The following DMRT1 variants were observed in gnomAD, a reference collection of about 807,000 sequenced individuals.
DMRT1 encodes the protein doublesex and mab-3 related transcription factor 1, also known as doublesex- and mab-3-related transcription factor 1.
DMRT1 carries 7 observed loss-of-function variants against 32.3 expected under a neutral mutation model. The observed-to-expected ratio is 0.22, with a 90% CI of 0.12 to 0.41. The LOEUF is 0.41. Ranked by LOEUF, DMRT1 falls within the 10% of genes least tolerant of loss-of-function variation. The pLI is 1.00. For missense variants in DMRT1, 625 were observed against 500.5 expected (o/e 1.25, Z -2.37); for synonymous variants, 278 against 206.1 (o/e 1.35, Z -2.99).
intron 4 of DMRT1, among the ~76,000 whole-genome samples, chr9:930,336 G>A (rs546269477): frequency 2.0e-5 from 3 of 151,424 alleles, no homozygotes; most frequent in African/African-American, 7.3e-5. Context: ...TGGCTCAAGT[G>A]ATCCTCCTGC....
intron 2 of DMRT1, among the ~76,000 whole-genome samples, chr9:876,573 C>T (rs544720539): frequency 2.0e-5 from 3 of 151,662 alleles, no homozygotes; most frequent in Admixed American, 6.6e-5. Flanking sequence ...CCCTATCATC[C>T]AGTCTGGAGT....
At chr9:957,033 A>G (rs1300754426) in intron 4 of DMRT1, among the ~76,000 whole-genome samples, 2 of 152,208 alleles carry the variant, frequency 1.3e-5, no homozygotes, top group Admixed American at 6.5e-5. Flanking sequence ...GGCTTGGGGT[A>G]TGAATGATCC....
At chr9:872,031 C>G (rs1816289462) in intron 2 of DMRT1, among the ~76,000 whole-genome samples, 1 of 151,308 alleles carries the variant, frequency 6.6e-6, no homozygotes, top group African/African-American at 2.5e-5. Context: ...CTAAAAATAA[C>G]TTACTGAGGT....
chr9:960,914 G>C (rs1819751139), intron 4 of DMRT1, among the ~76,000 whole-genome samples: 1 of 152,222 alleles, frequency 6.6e-6, no homozygotes, highest in Admixed American at 6.5e-5. Flanking sequence ...GCTAGGAACA[G>C]GGCTCAGTTC....
intron 2 of DMRT1, among the ~76,000 whole-genome samples, 190 bp downstream of exon 2, chr9:847,333 G>A (rs1838951595): frequency 6.6e-6 from 1 of 152,240 alleles, no homozygotes; most frequent in Non-Finnish European, 1.5e-5. Flanking sequence ...TTCTAGAAAT[G>A]CAGGTTCAAC....
At chr9:906,573 A>G (rs769224203) in intron 3 of DMRT1, among the ~76,000 whole-genome samples, 2 of 152,194 alleles carry the variant, frequency 1.3e-5, no homozygotes, top group African/African-American at 2.4e-5. Flanking sequence ...GTTGGAACAG[A>G]GTAGCAAAGG....
intron 4 of DMRT1, among the ~76,000 whole-genome samples, chr9:963,887 T>C (rs1411180210): frequency 6.6e-6 from 1 of 152,244 alleles, no homozygotes; most frequent in Non-Finnish European, 1.5e-5. Flanking sequence ...TTCTTTCTTA[T>C]GCCTACAAAG....
intron 2 of DMRT1, among the ~76,000 whole-genome samples, chr9:862,839 G>C (rs1474933998): frequency 6.6e-6 from 1 of 152,106 alleles, no homozygotes; most frequent in Non-Finnish European, 1.5e-5. Flanking sequence ...ATGTACATCA[G>C]CGTGGTCAGG....
chr9:925,204 C>T (rs183358168), intron 4 of DMRT1, among the ~76,000 whole-genome samples: 6 of 152,174 alleles, frequency 3.9e-5, no homozygotes, highest in African/African-American at 4.8e-5. Context: ...AGATGGCTCC[C>T]GGGATGGTTT....
At chr9:893,699 A>ATTTT (rs1817238780) in intron 2 of DMRT1, among the ~76,000 whole-genome samples, 1 of 152,236 alleles carries the variant, frequency 6.6e-6, no homozygotes, top group South Asian at 2.1e-4. Context: ...TCTCAGTAAA[A>ATTTT]ACAATCAGCT....
At chr9:922,709 C>G (rs1183058366) in intron 4 of DMRT1, among the ~76,000 whole-genome samples, 11 of 152,226 alleles carry the variant, frequency 7.2e-5, no homozygotes, top group Admixed American at 7.2e-4. Context: ...GGTTCCGTCT[C>G]AGAGTGGCAG....
At chr9:904,837 G>C (rs993327391) in intron 3 of DMRT1, among the ~76,000 whole-genome samples, 1 of 151,796 alleles carries the variant, frequency 6.6e-6, no homozygotes, top group Non-Finnish European at 1.5e-5. Flanking sequence ...CCAGCTACTC[G>C]AGGCTGAGGC....
At chr9:951,033 C>T (rs1226214479) in intron 4 of DMRT1, among the ~76,000 whole-genome samples, 1 of 152,056 alleles carries the variant, frequency 6.6e-6, no homozygotes. Context: ...GTGTCTTTTG[C>T]CTTTTCTCTC....
chr9:859,732 C>A (rs1815570291), intron 2 of DMRT1, among the ~76,000 whole-genome samples: 1 of 152,148 alleles, frequency 6.6e-6, no homozygotes, highest in Admixed American at 6.5e-5. Flanking sequence ...TTGTACAATA[C>A]CACTGAACAT....
chr9:861,772 G>C (rs1815696911), intron 2 of DMRT1, among the ~76,000 whole-genome samples: 1 of 143,088 alleles, frequency 7.0e-6, no homozygotes, highest in African/African-American at 2.7e-5. Flanking sequence ...GGGCGGAGAT[G>C]CTCCCCACTT....
intron 4 of DMRT1, among the ~76,000 whole-genome samples, chr9:928,557 G>C (rs72701038): frequency 6.6e-6 from 1 of 152,128 alleles, no homozygotes; most frequent in African/African-American, 2.4e-5. Flanking sequence ...AATCACAGGT[G>C]TATGGAACTT....
chr9:916,736 GTA>G, intron 3 of DMRT1, 25 bp from the exon 4 acceptor site: 2 of 1,613,372 alleles, frequency 1.2e-6, no homozygotes, highest in South Asian at 1.1e-5. Flanking sequence ...GTTGATCTCA[GTA>G]TATTTCTTCT....
chr9:921,418 C>T (rs1400592516), intron 4 of DMRT1, among the ~76,000 whole-genome samples: 1 of 152,138 alleles, frequency 6.6e-6, no homozygotes, highest in Non-Finnish European at 1.5e-5. Flanking sequence ...GTTGTTTCCA[C>T]CTTTTGGGTA....
intron 4 of DMRT1, among the ~76,000 whole-genome samples, chr9:947,804 G>C (rs1005880728): frequency 4.6e-5 from 7 of 152,134 alleles, no homozygotes; most frequent in Non-Finnish European, 8.8e-5. Context: ...GACAAATACT[G>C]TCTGAAGTCA....
Sources: gnomAD v4.1 joint callset for allele counts (sites outside exome capture counted in the v4.1 genomes callset) on GRCh38, gnomAD v4.1.1 for gene constraint, MANE v1.5 for transcripts, NCBI Gene and HGNC (gene_info 2026-07-23, HGNC 2026-07-21) for gene names.